Variants in CIDEA observed in about 807,000 individuals in gnomAD.
The protein encoded by CIDEA is cell death inducing DFFA like effector a, also known as lipid transferase CIDEA.
CIDEA carries 10 observed loss-of-function variants against 18.2 expected under a neutral mutation model. The ratio of observed to expected loss-of-function variants is 0.55; its 90% confidence interval spans 0.34 to 0.93. The LOEUF (loss-of-function observed/expected upper bound fraction) is 0.93. Ranked by LOEUF, CIDEA falls within the 40% of genes least tolerant of loss-of-function variation. The pLI is 0.02. For synonymous variants in CIDEA, 128 were observed against 124.8 expected (o/e 1.03, Z -0.17); for missense variants, 309 against 293.1 (o/e 1.05, Z -0.40).
At chr18:12,273,498 C>G (rs1448135966) in intron 3 of CIDEA, among the ~76,000 whole-genome samples, 1 of 152,032 alleles carries the variant, frequency 6.6e-6, no homozygotes, top group African/African-American at 2.4e-5. Flanking sequence ...CTCCTCCCAC[C>G]CAGGGGGGTC....
intron 1 of CIDEA, among the ~76,000 whole-genome samples, 161 bp from the exon 2 acceptor site, chr18:12,262,664 T>C (rs1322566373): frequency 6.6e-6 from 1 of 152,254 alleles, no homozygotes; most frequent in South Asian, 2.1e-4. Flanking sequence ...GTTTCTTCTT[T>C]GGAATTATGT....
At chr18:12,274,632 T>A (rs951929016) in intron 4 of CIDEA, among the ~76,000 whole-genome samples, 28 of 152,166 alleles carry the variant, frequency 1.8e-4, no homozygotes, top group Non-Finnish European at 2.6e-4. Context: ...TACAGAACGG[T>A]CACCTAGACC....
intron 3 of CIDEA, among the ~76,000 whole-genome samples, chr18:12,273,510 C>T (rs1416247590): frequency 2.6e-5 from 4 of 152,162 alleles, no homozygotes; most frequent in African/African-American, 9.7e-5. Context: ...AGGGGGGTCT[C>T]CTCCCACCCA....
At position 12,274,279 on chromosome 18, in the gene CIDEA, C is replaced by CA; in HGVS notation, c.512+6dup. On this transcript the variant is annotated splice_donor_region_variant and intron_variant, in intron 4 of 4. Coordinates refer to ENST00000320477, the MANE Select transcript of CIDEA (RefSeq NM_001279.4). The stretch of plus-strand genomic sequence containing the variant: ...GGGACTCAAGGGCCTGCTGAGGTAA[C>CA]ACACTCCAGGGGTCACCTCCGGGGG... 6.2e-7 allele frequency: 1 copy of CA among 1,613,970 alleles called. No individual in the cohort carries two copies. Among genetic ancestry groups the CA allele is most frequent in the African/African-American group, 1.3e-5 (1 of 75,046 alleles).
At position 12,274,119 on chromosome 18, in the gene CIDEA, G is replaced by A. The variant is rs140727009; in HGVS notation, c.357G>A (p.Ser119=). ...GCAGCCAGCACGTCCCCACTTGCTC[G>A]CCGCCGAAGAGGTCGGGAATAGCGA... The part of the protein sequence containing the change: ...MPGSQHVPTC[S]PPKRSGIARV... Residue 119 remains serine (S), a synonymous_variant, in exon 4 of 5, where the codon TCG becomes TCA. Transcript: ENST00000320477. 3.8e-5 allele frequency: 61 copies of A among 1,614,066 alleles called. No individual in the cohort carries two copies. In the African/African-American group the frequency reaches 6.0e-4, roughly 16 times the overall value.
At chr18:12,269,203 G>C (rs1404475885) in intron 3 of CIDEA, among the ~76,000 whole-genome samples, 4 of 152,076 alleles carry the variant, frequency 2.6e-5, no homozygotes, top group African/African-American at 9.7e-5. Flanking sequence ...TTACATTTTT[G>C]TAAATTTCTT....
Position 12,270,894 on chromosome 18 carries a change from C to CTTTTTTTTTTTTTTTTTTTT in CIDEA, c.331-3195_331-3176dup, listed in dbSNP as rs771335202. 7.3e-4 allele frequency among the ~76,000 whole-genome samples: 44 copies of CTTTTTTTTTTTTTTTTTTTT among 60,008 alleles called. 1 individual carries two copies. The highest frequency in any genetic ancestry group is 1.1e-3 in the Non-Finnish European group (39 of 34,894). The allele number at this position is 60,008 out of a possible 152,430, so 39.4% of individuals were successfully genotyped here. On this transcript the variant is annotated intron_variant, in intron 3 of 4. Transcript: ENST00000320477. ...TTTCTTTTCTTTTTCTTTTTCTTTT[C>CTTTTTTTTTTTTTTTTTTTT]TTTTTTTTTTTTTTTTTTTTTTTGA... is the stretch of plus-strand genomic sequence containing the variant.
rs758489240 is a variant in CIDEA at position 12,262,892 on chromosome 18, C to G, written c.106C>G (p.Pro36Ala). 6.2e-7 allele frequency: 1 copy of G among 1,614,206 alleles called. No homozygotes were observed. Among genetic ancestry groups the G allele is most frequent in the South Asian group, 1.1e-5 (1 of 91,088 alleles). The change falls in exon 2 of 5, where the codon CCT becomes GCT. Residue 36 changes from proline (P) to alanine (A), a missense_variant. Transcript: ENST00000320477. ...LFTPLMHPAR[P>A]FRVSNHDRSS... is the part of the protein sequence containing the mutation. ...CACCCCGCTCATGCATCCAGCTCGCCCTTTCCGGGTCTCCAACCATGACAG... is the reference window on the plus strand; with the variant it reads ...CACCCCGCTCATGCATCCAGCTCGCGCTTTCCGGGTCTCCAACCATGACAG...
At chr18:12,263,911 C>T (rs1912267504) in intron 2 of CIDEA, 1 of 156,944 alleles carries the variant, frequency 6.4e-6, no homozygotes, top group African/African-American at 2.4e-5. Flanking sequence ...ATCATTACCT[C>T]ATGTATCTTA....
At chr18:12,262,740 T>A in intron 1 of CIDEA, 85 bp from the exon 2 acceptor site, 2 of 1,288,596 alleles carry the variant, frequency 1.6e-6, no homozygotes, top group Non-Finnish European at 2.2e-6. Context: ...GATGCAAATA[T>A]TAAAAATGCA....
intron 3 of CIDEA, among the ~76,000 whole-genome samples, chr18:12,269,865 A>T (rs149953294): frequency 6.6e-6 from 1 of 151,874 alleles, no homozygotes; most frequent in Non-Finnish European, 1.5e-5. Context: ...ACCCAGCTAA[A>T]TGCTTGTATT....
chr18:12,262,678 C>T (rs775687745), intron 1 of CIDEA, 147 bp from the exon 2 acceptor site: 26 of 700,502 alleles, frequency 3.7e-5, no homozygotes, highest in East Asian at 8.3e-5. Context: ...ATTATGTGTA[C>T]ACTTGTATAT....
chr18:12,276,652 C>T (rs1398899270), intron 4 of CIDEA, among the ~76,000 whole-genome samples: 1 of 152,188 alleles, frequency 6.6e-6, no homozygotes, highest in Non-Finnish European at 1.5e-5. Context: ...GCTTGGCTAT[C>T]GCATCCCCAT....
rs1216081152 is a variant in CIDEA, at chr18:12,264,337, C to T, written c.214C>T (p.Leu72=). Residue 72 remains leucine (L), a synonymous_variant, in exon 3 of 5, where the codon CTG becomes TTG. Transcript: ENST00000320477. ...TLDALVIATG[L]VTLVLEEDGT... The stretch of plus-strand genomic sequence containing the variant: ...GGATGCCCTCGTCATCGCTACCGGA[C>T]TGGTCACTCTGGTGCTGGAGGAAGA... The T allele has an allele frequency of 1.9e-6, 3 of 1,613,680 alleles. No homozygotes were observed. The highest frequency in any genetic ancestry group is 2.5e-6 in the Non-Finnish European group (3 of 1,179,794).
chr18:12,274,360 G>C, intron 4 of CIDEA, 86 bp downstream of exon 4: 2 of 1,352,680 alleles, frequency 1.5e-6, no homozygotes, highest in Non-Finnish European at 2.1e-6. Context: ...GTTCCTCTGG[G>C]CTCCCAGGCC....
chr18:12,259,327 G>T (rs532135590), intron 1 of CIDEA, among the ~76,000 whole-genome samples: 2 of 152,210 alleles, frequency 1.3e-5, no homozygotes, highest in Non-Finnish European at 2.9e-5. Flanking sequence ...CAGCTTTTCC[G>T]CACAGCCCTC....
intron 2 of CIDEA, 49 bp downstream of exon 2, chr18:12,263,018 C>A: frequency 6.3e-7 from 1 of 1,591,376 alleles, no homozygotes; most frequent in Admixed American, 1.7e-5. Flanking sequence ...GTGCCCTGCA[C>A]TCACACAGGG....
chr18:12,268,902 T>G (rs1912437214), intron 3 of CIDEA, among the ~76,000 whole-genome samples: 1 of 151,870 alleles, frequency 6.6e-6, no homozygotes, highest in Non-Finnish European at 1.5e-5. Flanking sequence ...CTCGGCTCAC[T>G]GCAACCTCCA....
At chr18:12,254,908 G>A in intron 1 of CIDEA, 3 of 1,263,508 alleles carry the variant, frequency 2.4e-6, no homozygotes, top group Non-Finnish European at 3.1e-6. Context: ...TGGAAGCGCG[G>A]GCTCTGGTCT....
Sources: allele counts gnomAD v4.1 joint callset (sites outside exome capture counted in the v4.1 genomes callset), GRCh38; gene constraint gnomAD v4.1.1; transcripts MANE v1.5; gene names NCBI Gene and HGNC (gene_info 2026-07-23, HGNC 2026-07-21).